GRIN2B: variants seen among roughly 807,000 people sequenced by gnomAD.
GRIN2B encodes the protein glutamate ionotropic receptor NMDA type subunit 2B, also known as glutamate receptor ionotropic, NMDA 2B.
Under a neutral mutation model 114.5 loss-of-function variants are expected in GRIN2B, and 5 were observed. The observed-to-expected ratio is 0.04, with a 90% CI of 0.02 to 0.09. The LOEUF (loss-of-function observed/expected upper bound fraction) is 0.09, where lower values mean the gene tolerates loss of function less well. Among genes scored for constraint, GRIN2B ranks in the 10% least tolerant of loss-of-function variants. The pLI is 1.00. For missense variants in GRIN2B, 1,108 were observed against 1,943.5 expected, an observed-to-expected ratio of 0.57 and a Z score of 8.08; for synonymous variants, 787 against 745.1, an observed-to-expected ratio of 1.06 and a Z score of -0.92.
intron 5 of GRIN2B, among the ~76,000 whole-genome samples, chr12:13,659,338 C>A (rs1191277342): frequency 6.6e-6 from 1 of 152,170 alleles, no homozygotes; most frequent in African/African-American, 2.4e-5. Context: ...TCCACCTCTG[C>A]CATCACTCTC....
chr12:13,673,265 AG>A (rs1187472757), intron 5 of GRIN2B, among the ~76,000 whole-genome samples: 1 of 152,172 alleles, frequency 6.6e-6, no homozygotes, highest in Admixed American at 6.5e-5. Context: ...TGACATGTAC[AG>A]GGGACGGGAC....
intron 3 of GRIN2B, among the ~76,000 whole-genome samples, chr12:13,781,248 T>C (rs1591726891): frequency 6.6e-6 from 1 of 152,152 alleles, no homozygotes; most frequent in Non-Finnish European, 1.5e-5. Flanking sequence ...AATACATGGG[T>C]AGGCACGAAA....
chr12:13,832,036 T>C (rs1865158022), intron 3 of GRIN2B, among the ~76,000 whole-genome samples: 1 of 152,202 alleles, frequency 6.6e-6, no homozygotes, highest in Non-Finnish European at 1.5e-5. Context: ...AGCATGTTTT[T>C]GTAAGTTTAT....
At chr12:13,801,487 G>C (rs1452844526) in intron 3 of GRIN2B, among the ~76,000 whole-genome samples, 2 of 152,030 alleles carry the variant, frequency 1.3e-5, no homozygotes, top group Non-Finnish European at 2.9e-5. Flanking sequence ...GAACAGAGAA[G>C]GACAGAGAAA....
chr12:13,698,633 AAAG>A (rs1239363962), intron 4 of GRIN2B, among the ~76,000 whole-genome samples: 1 of 152,224 alleles, frequency 6.6e-6, no homozygotes. Flanking sequence ...TTTAAAAACC[AAAG>A]AAGATCTACT....
At chr12:13,918,488 A>T (rs899305428) in intron 2 of GRIN2B, among the ~76,000 whole-genome samples, 12 of 152,256 alleles carry the variant, frequency 7.9e-5, no homozygotes, top group African/African-American at 2.9e-4. Flanking sequence ...CCATGCATTT[A>T]TGCATTAATA....
intron 4 of GRIN2B, among the ~76,000 whole-genome samples, chr12:13,732,850 A>T (rs984878301): frequency 5.3e-5 from 8 of 152,244 alleles, no homozygotes; most frequent in African/African-American, 1.9e-4. Context: ...ATCAAGCTTA[A>T]TTTCACAATT....
chr12:13,824,855 CA>C (rs34417194), intron 3 of GRIN2B, among the ~76,000 whole-genome samples: 35,529 of 94,584 alleles, frequency 0.38, 5,453 homozygotes, highest in Non-Finnish European at 0.44. Context: ...GACTCCATTT[CA>C]AAAAAAAAAA....
At chr12:13,861,031 ATATTT>A (rs1292085769) in intron 3 of GRIN2B, among the ~76,000 whole-genome samples, 2 of 152,104 alleles carry the variant, frequency 1.3e-5, no homozygotes, top group Non-Finnish European at 2.9e-5. Flanking sequence ...AATCTTCCAT[ATATTT>A]TATTTCATTT....
intron 3 of GRIN2B, among the ~76,000 whole-genome samples, chr12:13,836,841 A>C (rs564039109): frequency 2.1e-4 from 32 of 152,326 alleles, no homozygotes; most frequent in Admixed American, 1.8e-3. Context: ...TGGCACACTC[A>C]GATGCCACTG....
chr12:13,765,844 C>A (rs1299993530), intron 3 of GRIN2B, among the ~76,000 whole-genome samples: 1 of 146,838 alleles, frequency 6.8e-6, no homozygotes, highest in African/African-American at 2.5e-5. Flanking sequence ...AGGGTGCACC[C>A]ACCAACCACT....
chr12:13,864,085 C>T (rs983439756), intron 3 of GRIN2B, among the ~76,000 whole-genome samples: 1 of 152,232 alleles, frequency 6.6e-6, no homozygotes, highest in Admixed American at 6.5e-5. Flanking sequence ...ATTTTTCCCA[C>T]TTCCCTTAGC....
chr12:13,980,991 G>C (rs1172836211), intron 1 of GRIN2B, among the ~76,000 whole-genome samples: 1 of 152,076 alleles, frequency 6.6e-6, no homozygotes, highest in East Asian at 1.9e-4. Flanking sequence ...CTGCCGCCGC[G>C]CTGAGGTGCA....
rs1422365581 is a variant in GRIN2B at position 13,552,751 on chromosome 12, T to C, written c.*10032A>G. The C allele has an allele frequency of 6.6e-6, 1 of 152,142 alleles. No homozygotes were observed. Among genetic ancestry groups the C allele is most frequent in the Non-Finnish European group, 1.5e-5 (1 of 68,018 alleles). 9.4% of individuals were successfully genotyped at this position (152,142 alleles called of 1,614,324 possible). ...CAGGAGCAAGGCTATCTAGACCCCA[T>C]AGGACTTTTGAAAAGCAAAATTATC... On this transcript the variant is annotated 3_prime_UTR_variant, in exon 14 of 14. Transcript: ENST00000609686.
intron 5 of GRIN2B, among the ~76,000 whole-genome samples, chr12:13,626,500 T>C (rs1949568221): frequency 6.6e-6 from 1 of 152,142 alleles, no homozygotes; most frequent in Non-Finnish European, 1.5e-5. Flanking sequence ...TGTGTAATGT[T>C]GGACAATTCT....
At chr12:13,853,505 A>G (rs1050109314) in intron 3 of GRIN2B, among the ~76,000 whole-genome samples, 3 of 152,260 alleles carry the variant, frequency 2.0e-5, no homozygotes, top group Admixed American at 1.3e-4. Context: ...AAGAGCGCTA[A>G]TAAAGTCAGG....
intron 4 of GRIN2B, among the ~76,000 whole-genome samples, chr12:13,729,908 A>G (rs1438599578): frequency 6.6e-6 from 1 of 151,956 alleles, no homozygotes; most frequent in Non-Finnish European, 1.5e-5. Context: ...GCCCCCAGAA[A>G]CAAAATGCCA....
intron 3 of GRIN2B, among the ~76,000 whole-genome samples, chr12:13,817,007 A>G (rs1864835844): frequency 6.6e-6 from 1 of 152,116 alleles, no homozygotes; most frequent in South Asian, 2.1e-4. Flanking sequence ...ATGCCAGCAT[A>G]CAAATACAAA....
intron 3 of GRIN2B, among the ~76,000 whole-genome samples, chr12:13,764,504 G>A (rs1833285860): frequency 6.6e-6 from 1 of 152,190 alleles, no homozygotes; most frequent in African/African-American, 2.4e-5. Context: ...ACCTTGGGTA[G>A]CTGAAATGCT....
Sources: allele counts gnomAD v4.1 joint callset (sites outside exome capture counted in the v4.1 genomes callset), GRCh38; gene constraint gnomAD v4.1.1; transcripts MANE v1.5; gene names NCBI Gene and HGNC (gene_info 2026-07-23, HGNC 2026-07-21).